The following CNKSR3 variants were observed in gnomAD, a reference collection of about 807,000 sequenced individuals.
The protein encoded by CNKSR3 is connector enhancer of kinase suppressor of ras 3.
In CNKSR3, 36 loss-of-function variants were observed where a neutral mutation model predicts 67.7. That is an observed-to-expected ratio of 0.53 (90% confidence interval 0.41 to 0.70). The LOEUF (loss-of-function observed/expected upper bound fraction) is 0.70. Ranked by LOEUF, CNKSR3 falls within the 30% of genes least tolerant of loss-of-function variation. CNKSR3 has a pLI of 0.00. For missense variants in CNKSR3, 630 were observed against 695.2 expected, an observed-to-expected ratio of 0.91 and a Z score of 1.05; for synonymous variants, 281 against 271.4, an observed-to-expected ratio of 1.04 and a Z score of -0.35.
At chr6:154,472,757 G>A (rs916761971) in intron 1 of CNKSR3, among the ~76,000 whole-genome samples, 2 of 150,158 alleles carry the variant, frequency 1.3e-5, no homozygotes. Context: ...ATTTTATAAG[G>A]TCTGGCCATA....
chr6:154,489,276 A>G (rs570922886), intron 1 of CNKSR3, among the ~76,000 whole-genome samples: 1 of 152,312 alleles, frequency 6.6e-6, no homozygotes, highest in East Asian at 1.9e-4. Flanking sequence ...CACGCCTGTA[A>G]TTCCAGCACT....
At position 154,406,149 on chromosome 6, in the gene CNKSR3, C is replaced by T; in HGVS notation, c.*205G>A. On this transcript the variant is annotated 3_prime_UTR_variant, in exon 13 of 13. Transcript: ENST00000607772. Reference sequence around the variant, plus strand: ...CTACCCATTTCCCTCCTTTTGTCTCCACAAGCCAGCACCTAAGATCCTCTG... The same window carrying T: ...CTACCCATTTCCCTCCTTTTGTCTCTACAAGCCAGCACCTAAGATCCTCTG... 1 of 578,054 alleles carries T rather than the reference C, an allele frequency of 1.7e-6. No homozygotes were observed. The highest frequency in any genetic ancestry group is 3.1e-6 in the Non-Finnish European group (1 of 327,564). The allele number at this position is 578,054 out of a possible 1,614,324, so 35.8% of individuals were successfully genotyped here. A position where few individuals can be genotyped will look rare whatever the true frequency, so the allele number is the denominator to read the frequency against.
chr6:154,488,817 T>A (rs947056337), intron 1 of CNKSR3, among the ~76,000 whole-genome samples: 2 of 152,220 alleles, frequency 1.3e-5, no homozygotes, highest in Non-Finnish European at 2.9e-5. Flanking sequence ...GGGACTTTTT[T>A]AAAAAGGTAA....
intron 12 of CNKSR3, among the ~76,000 whole-genome samples, chr6:154,408,392 A>C (rs1784844931): frequency 6.6e-6 from 1 of 152,234 alleles, no homozygotes; most frequent in South Asian, 2.1e-4. Flanking sequence ...AAATCACACG[A>C]AACATTCACA....
rs1042362741 is a variant in CNKSR3, at chr6:154,400,848, A to G, written c.*5506T>C. On this transcript the variant is annotated 3_prime_UTR_variant, in exon 13 of 13. Coordinates refer to ENST00000607772, the MANE Select transcript of CNKSR3 (RefSeq NM_173515.4). ...TAGAAACTTTAAGTTGAAACTTGGC[A>G]ATTGTGAAATTTCCAAATAATTAAA... The G allele has an allele frequency of 6.6e-6, 1 of 152,344 alleles. No individual in the cohort carries two copies. Among genetic ancestry groups the G allele is most frequent in the African/African-American group, 2.4e-5 (1 of 41,590 alleles). 9.4% of individuals were successfully genotyped at this position (152,344 alleles called of 1,614,324 possible).
rs990282059 is a variant in CNKSR3, at chr6:154,480,028, A to T, written c.53-29770T>A. 2.0e-5 allele frequency among the ~76,000 whole-genome samples: 3 copies of T among 152,208 alleles called. No homozygotes were observed. The South Asian group carries it at 6.2e-4, about 31-fold the overall frequency. ...AATCACAGAATGGCTGTAATTCCAG[A>T]AGAACAATTTTGGGGGAAGTAAACT... On this transcript the variant is annotated intron_variant, in intron 1 of 12. Transcript: ENST00000607772.
chr6:154,488,136 G>C (rs1336707679), intron 1 of CNKSR3, among the ~76,000 whole-genome samples: 1 of 151,994 alleles, frequency 6.6e-6, no homozygotes, highest in African/African-American at 2.4e-5. Context: ...TATAAGAAAA[G>C]TAAGGTAGTC....
At chr6:154,442,612 A>G (rs1209287704) in intron 2 of CNKSR3, among the ~76,000 whole-genome samples, 1 of 151,976 alleles carries the variant, frequency 6.6e-6, no homozygotes, top group East Asian at 1.9e-4. Context: ...ACAGAGGGAG[A>G]CTCTGTTTCA....
intron 1 of CNKSR3, among the ~76,000 whole-genome samples, chr6:154,464,810 G>A (rs1786159106): frequency 6.6e-6 from 1 of 152,052 alleles, no homozygotes. Flanking sequence ...CAAGAGGGAC[G>A]TCATGGCATA....
At chr6:154,408,546 A>T (rs976627745) in intron 12 of CNKSR3, among the ~76,000 whole-genome samples, 1 of 152,244 alleles carries the variant, frequency 6.6e-6, no homozygotes, top group African/African-American at 2.4e-5. Flanking sequence ...AAAAAGCCAC[A>T]TGTTGCATAA....
At chr6:154,420,930 T>C (rs990670737) in intron 9 of CNKSR3, among the ~76,000 whole-genome samples, 4 of 152,148 alleles carry the variant, frequency 2.6e-5, no homozygotes, top group Non-Finnish European at 1.5e-5. Context: ...TTTTAAAATA[T>C]GTTTGGTCAT....
intron 1 of CNKSR3, among the ~76,000 whole-genome samples, chr6:154,485,503 A>C (rs2114643226): frequency 6.6e-6 from 1 of 152,388 alleles, no homozygotes; most frequent in South Asian, 2.1e-4. Context: ...CTTCATCTAT[A>C]AAAGGCAAAT....
rs567189630 is a variant in CNKSR3 at position 154,404,600 on chromosome 6, G to C, written c.*1754C>G. The C allele has an allele frequency of 1.3e-5, 2 of 152,440 alleles. No individual in the cohort carries two copies. Among genetic ancestry groups the C allele is most frequent in the African/African-American group, 4.8e-5 (2 of 41,578 alleles). The allele number at this position is 152,440 out of a possible 1,614,324, so 9.4% of individuals were successfully genotyped here. A position where few individuals can be genotyped will look rare whatever the true frequency, so the allele number is the denominator to read the frequency against. On this transcript the variant is annotated 3_prime_UTR_variant, in exon 13 of 13. Coordinates refer to ENST00000607772, the MANE Select transcript of CNKSR3 (RefSeq NM_173515.4). Reference sequence around the variant, plus strand: ...TAATCCCAGCACTTTGGGAGGCTGAGGCCGGCAGATCAGTTGAGGTTGGGA... The same window carrying C: ...TAATCCCAGCACTTTGGGAGGCTGACGCCGGCAGATCAGTTGAGGTTGGGA...
chr6:154,397,056 T>G lies in CNKSR3; in HGVS notation c.*9298A>C, dbSNP rs2128708705. The G allele has an allele frequency of 6.6e-6, 1 of 152,218 alleles. No individual in the cohort carries two copies. Among genetic ancestry groups the G allele is most frequent in the South Asian group, 2.1e-4 (1 of 4,816 alleles). The allele number at this position is 152,218 out of a possible 1,614,324, so 9.4% of individuals were successfully genotyped here. A position where few individuals can be genotyped will look rare whatever the true frequency, so the allele number is the denominator to read the frequency against. On this transcript the variant is annotated 3_prime_UTR_variant, in exon 13 of 13. Transcript: ENST00000607772. The stretch of plus-strand genomic sequence containing the variant: ...CTCCTGACCTTGTGATCCACCTGCC[T>G]CAGCCTCCCAAAGTGCTGGGATTAC...
chr6:154,502,354 G>A (rs1787015567), intron 1 of CNKSR3, among the ~76,000 whole-genome samples: 2 of 142,136 alleles, frequency 1.4e-5, no homozygotes, highest in Admixed American at 7.2e-5. Flanking sequence ...ACCATGCCCA[G>A]CTAATTTTTT....
chr6:154,491,476 TA>T (rs1175463318), intron 1 of CNKSR3, among the ~76,000 whole-genome samples: 1 of 152,238 alleles, frequency 6.6e-6, no homozygotes, highest in Non-Finnish European at 1.5e-5. Context: ...ATGACATACA[TA>T]TGATTTCATG....
rs770662504 is a variant in CNKSR3, at chr6:154,406,414, C to T, written c.1608G>A (p.Ser536=). Residue 536 remains serine (S), a synonymous_variant, in exon 13 of 13, where the codon TCG becomes TCA. Coordinates refer to ENST00000607772, the MANE Select transcript of CNKSR3 (RefSeq NM_173515.4). ...TGACCAGGAGGGACGGTTCTGTGGA[C>T]GAGGACTTCGTAGCTGAGGAGCCAG... The part of the protein sequence containing the change: ...KKSGSSATKS[S]STEPSLLVSW... 1.2e-6 allele frequency: 2 copies of T among 1,614,010 alleles called. No individual in the cohort carries two copies. The highest frequency in any genetic ancestry group is 1.1e-5 in the South Asian group (1 of 91,074).
intron 9 of CNKSR3, among the ~76,000 whole-genome samples, chr6:154,415,525 A>G (rs187751510): frequency 1.3e-5 from 2 of 152,220 alleles, no homozygotes; most frequent in East Asian, 3.9e-4. Context: ...ACCACCACGC[A>G]CAGCCCTTAT....
At chr6:154,447,974 T>C (rs971203243) in intron 2 of CNKSR3, among the ~76,000 whole-genome samples, 1 of 152,104 alleles carries the variant, frequency 6.6e-6, no homozygotes, top group Non-Finnish European at 1.5e-5. Flanking sequence ...GACATTTTAG[T>C]AAAACTCACT....
Sources: gnomAD v4.1 joint callset for allele counts (sites outside exome capture counted in the v4.1 genomes callset) on GRCh38, gnomAD v4.1.1 for gene constraint, MANE v1.5 for transcripts, NCBI Gene and HGNC (gene_info 2026-07-23, HGNC 2026-07-21) for gene names.